The following FER variants were observed in gnomAD, a reference collection of about 807,000 sequenced individuals.
FER encodes the protein FER tyrosine kinase, also known as tyrosine-protein kinase Fer.
In FER, 63 loss-of-function variants were observed where a neutral mutation model predicts 111.0. That is an observed-to-expected ratio of 0.57 (90% CI 0.46 to 0.70). The LOEUF (loss-of-function observed/expected upper bound fraction) is 0.70, where lower values mean the gene tolerates loss of function less well. Ranked by LOEUF, FER falls within the 30% of genes least tolerant of loss-of-function variation. The pLI is 0.00. For synonymous variants in FER, 327 were observed against 313.9 expected (o/e 1.04, Z -0.44); for missense variants, 914 against 954.0 (o/e 0.96, Z 0.55).
At position 109,035,873 on chromosome 5, in the gene FER, C is replaced by T. The variant is rs567267688; in HGVS notation, c.1657-1549C>T. On this transcript the variant is annotated intron_variant, in intron 13 of 19. Coordinates refer to ENST00000281092, the MANE Select transcript of FER (RefSeq NM_005246.4). ...TAATGGGTACGAAGTAATGAAGTATCGTCTTATTGTGATTTGTATTTGTAT... is the reference window on the plus strand; with the variant it reads ...TAATGGGTACGAAGTAATGAAGTATTGTCTTATTGTGATTTGTATTTGTAT... 9.1e-4 allele frequency among the ~76,000 whole-genome samples: 138 copies of T among 152,234 alleles called. 1 individual carries two copies. Among genetic ancestry groups the T allele is most frequent in the African/African-American group, 2.7e-3 (114 of 41,554 alleles).
chr5:108,871,244 A>G (rs1764569302), intron 6 of FER, 121 bp from the exon 7 acceptor site: 2 of 722,024 alleles, frequency 2.8e-6, no homozygotes, highest in Admixed American at 5.8e-5. Flanking sequence ...GTGGTACAGG[A>G]AACAACCATC....
intron 13 of FER, among the ~76,000 whole-genome samples, chr5:108,973,256 A>G (rs1760911288): frequency 6.6e-6 from 1 of 152,152 alleles, no homozygotes; most frequent in African/African-American, 2.4e-5. Context: ...ATTAGTGTTC[A>G]CCTTCTGCTA....
intron 3 of FER, among the ~76,000 whole-genome samples, chr5:108,806,462 C>G (rs1352096559): frequency 6.6e-6 from 1 of 152,182 alleles, no homozygotes; most frequent in Non-Finnish European, 1.5e-5. Context: ...AGAATGGTAG[C>G]TATACCGACA....
chr5:108,774,041 T>A (rs1427904635), intron 2 of FER, among the ~76,000 whole-genome samples: 1 of 151,908 alleles, frequency 6.6e-6, no homozygotes, highest in African/African-American at 2.4e-5. Context: ...TCCTGTAAGT[T>A]CCCTCCCCTC....
chr5:108,997,221 C>G (rs181625882), intron 13 of FER, among the ~76,000 whole-genome samples: 1,557 of 145,002 alleles, frequency 0.011, 22 homozygotes, highest in African/African-American at 0.039. Flanking sequence ...CTGGCTAACA[C>G]GGTGAAACCC....
chr5:108,766,073 G>C (rs1752288670), intron 1 of FER, among the ~76,000 whole-genome samples: 1 of 151,970 alleles, frequency 6.6e-6, no homozygotes, highest in Non-Finnish European at 1.5e-5. Context: ...GGGACTACAG[G>C]TACATGCCAC....
At chr5:108,889,898 G>T (rs1049153010) in intron 9 of FER, among the ~76,000 whole-genome samples, 1 of 151,822 alleles carries the variant, frequency 6.6e-6, no homozygotes, top group Non-Finnish European at 1.5e-5. Context: ...TTTTTATTTT[G>T]AGATCATTAT....
chr5:109,113,547 GA>G (rs1749876273), intron 17 of FER, among the ~76,000 whole-genome samples: 2 of 152,020 alleles, frequency 1.3e-5, no homozygotes, highest in African/African-American at 4.8e-5. Context: ...TTTTTCATAG[GA>G]AACTCTTCAA....
chr5:108,905,547 G>A (rs902976950), intron 10 of FER, among the ~76,000 whole-genome samples: 31 of 151,992 alleles, frequency 2.0e-4, no homozygotes, highest in Non-Finnish European at 3.7e-4. Flanking sequence ...ATTCAACAGC[G>A]CTTAATGATT....
intron 2 of FER, among the ~76,000 whole-genome samples, chr5:108,773,906 T>C (rs1394529656): frequency 6.6e-6 from 1 of 152,208 alleles, no homozygotes; most frequent in Non-Finnish European, 1.5e-5. Flanking sequence ...TGTGAGATGG[T>C]ATCTCATTGT....
chr5:109,162,165 A>G (rs999227769), intron 17 of FER, among the ~76,000 whole-genome samples: 7 of 152,042 alleles, frequency 4.6e-5, no homozygotes, highest in Admixed American at 6.6e-5. Flanking sequence ...GGAATGCTTT[A>G]CTCTCAAGTC....
chr5:108,871,622 A>T (rs1764608140), intron 7 of FER, 120 bp downstream of exon 7: 12 of 651,060 alleles, frequency 1.8e-5, no homozygotes, highest in Non-Finnish European at 2.8e-5. Flanking sequence ...AGAATATTTC[A>T]TATTAATTTA....
At chr5:108,759,427 C>T (rs551382380) in intron 1 of FER, among the ~76,000 whole-genome samples, 5 of 152,364 alleles carry the variant, frequency 3.3e-5, no homozygotes, top group Middle Eastern at 3.4e-3. Flanking sequence ...GTTATAGCTT[C>T]TACCCATTAC....
intron 17 of FER, among the ~76,000 whole-genome samples, chr5:109,178,900 C>A (rs1757990832): frequency 6.6e-6 from 1 of 152,056 alleles, no homozygotes; most frequent in Non-Finnish European, 1.5e-5. Flanking sequence ...GGCAGAATTG[C>A]CATATTAATA....
chr5:109,040,548 G>T (rs563057526), intron 14 of FER, among the ~76,000 whole-genome samples: 1 of 152,256 alleles, frequency 6.6e-6, no homozygotes, highest in South Asian at 2.1e-4. Context: ...TGATGACTTG[G>T]CTGAGCAGTT....
chr5:108,906,765 T>C (rs758587451), intron 10 of FER, among the ~76,000 whole-genome samples: 3 of 152,044 alleles, frequency 2.0e-5, no homozygotes, highest in Non-Finnish European at 4.4e-5. Context: ...TAAAATAATA[T>C]ATATATATGT....
At chr5:109,000,876 C>G (rs1293522678) in intron 13 of FER, among the ~76,000 whole-genome samples, 2 of 152,140 alleles carry the variant, frequency 1.3e-5, no homozygotes, top group Non-Finnish European at 2.9e-5. Flanking sequence ...CTATAAACAC[C>G]TCTACGCAAA....
At chr5:108,920,181 C>A (rs865892519) in intron 10 of FER, among the ~76,000 whole-genome samples, 8 of 152,032 alleles carry the variant, frequency 5.3e-5, no homozygotes, top group African/African-American at 1.2e-4. Context: ...TATTTTATCA[C>A]CTTATGTTTT....
intron 5 of FER, chr5:108,841,767 C>T (rs1761293447): frequency 2.9e-6 from 1 of 345,226 alleles, no homozygotes; most frequent in African/African-American, 2.2e-5. Context: ...AGTGGGAGGT[C>T]TTTCTGGACC....
Sources: allele counts gnomAD v4.1 joint callset (sites outside exome capture counted in the v4.1 genomes callset), GRCh38; gene constraint gnomAD v4.1.1; transcripts MANE v1.5; gene names NCBI Gene and HGNC (gene_info 2026-07-23, HGNC 2026-07-21).